Variants in GSTO1 observed in about 807,000 individuals in gnomAD.
GSTO1 encodes glutathione S-transferase omega-1.
Under a neutral mutation model 23.8 loss-of-function variants are expected in GSTO1, and 27 were observed. That is an observed-to-expected ratio of 1.13 (90% confidence interval 0.83 to 1.56). The LOEUF (loss-of-function observed/expected upper bound fraction) is 1.56, where lower values mean the gene tolerates loss of function less well. Among genes scored for constraint, GSTO1 ranks in the 40% most tolerant of loss-of-function variants. The probability of loss-of-function intolerance (pLI) is 0.00; values close to 1 mark genes in which losing one functional copy is unlikely to be tolerated. For missense variants in GSTO1, 255 were observed against 285.8 expected (o/e 0.89, Z 0.78); for synonymous variants, 105 against 109.3 (o/e 0.96, Z 0.25).
Position 104,266,095 on chromosome 10 carries a change from TAAG to T in GSTO1, c.482_484del (p.Lys161del). Reference sequence around the variant, plus strand: ...TGTTTAATGTTCAGGTTCTGACTAATAAGAAGACGACCTTCTTTGGTGGCAATT... The same window carrying T: ...TGTTTAATGTTCAGGTTCTGACTAATAAGACGACCTTCTTTGGTGGCAATT... On this transcript the variant is annotated inframe_deletion, in exon 5 of 6. Coordinates refer to ENST00000369713, the MANE Select transcript of GSTO1 (RefSeq NM_004832.3). 6.3e-7 allele frequency: 1 copy of T among 1,579,104 alleles called. No individual in the cohort carries two copies. The highest frequency in any genetic ancestry group is 8.7e-7 in the Non-Finnish European group (1 of 1,148,234).
intron 3 of GSTO1, among the ~76,000 whole-genome samples, chr10:104,260,621 T>C (rs977437426): frequency 4.6e-5 from 7 of 152,202 alleles, no homozygotes; most frequent in Admixed American, 2.6e-4. Flanking sequence ...ACAATTAGTA[T>C]TAACAAAGAA....
chr10:104,257,266 G>A (rs1480426288), intron 2 of GSTO1, among the ~76,000 whole-genome samples: 1 of 150,694 alleles, frequency 6.6e-6, no homozygotes, highest in East Asian at 1.9e-4. Context: ...GGTTTACTTT[G>A]TATGATTTAC....
intron 2 of GSTO1, among the ~76,000 whole-genome samples, chr10:104,257,529 T>C (rs919791335): frequency 2.0e-5 from 3 of 151,988 alleles, no homozygotes; most frequent in Admixed American, 6.6e-5. Flanking sequence ...TTTGTAGAGA[T>C]AGGGTTTCAT....
chr10:104,255,307 C>T (rs775209148), intron 2 of GSTO1, 36 bp downstream of exon 2: 19 of 1,413,602 alleles, frequency 1.3e-5, no homozygotes, highest in Non-Finnish European at 1.9e-5. Flanking sequence ...CCCGAGCCGT[C>T]CGGGAGCCTG....
chr10:104,259,334 A>G (rs1194680107), intron 2 of GSTO1, among the ~76,000 whole-genome samples: 2 of 152,236 alleles, frequency 1.3e-5, no homozygotes, highest in African/African-American at 4.8e-5. Context: ...ATGGATGGAC[A>G]TTGCGGACAT....
intron 3 of GSTO1, among the ~76,000 whole-genome samples, chr10:104,262,221 G>A (rs2011144071): frequency 6.6e-6 from 1 of 152,182 alleles, no homozygotes; most frequent in African/African-American, 2.4e-5. Flanking sequence ...CAGTGCCAGT[G>A]GTGTTAGCAG....
rs1191210267 is a variant in GSTO1 at position 104,267,435 on chromosome 10, T to C, written c.*30T>C. 10 of 1,526,840 alleles carry C rather than the reference T, an allele frequency of 6.5e-6. 1 individual carries two copies. In the South Asian group the frequency reaches 1.2e-4, roughly 19 times the overall value. The allele number at this position is 1,526,840 out of a possible 1,614,324, so 94.6% of individuals were successfully genotyped here. ...GGCAGGAGTCAGCAATAAAGCTATG[T>C]CTGATATTTTCCTTCACTAATATGA... On this transcript the variant is annotated 3_prime_UTR_variant, in exon 6 of 6. Coordinates refer to ENST00000369713, the MANE Select transcript of GSTO1 (RefSeq NM_004832.3).
Position 104,260,693 on chromosome 10 carries a change from T to C in GSTO1, c.366+895T>C, listed in dbSNP as rs7923810. ...CATGTCTGGTTATATGCCTATAACA[T>C]TGTCACCTTGGTAGTACGGTCAGTA... On this transcript the variant is annotated intron_variant, in intron 3 of 5. Coordinates refer to ENST00000369713, the MANE Select transcript of GSTO1 (RefSeq NM_004832.3). Among the ~76,000 whole-genome samples the C allele has an allele frequency of 6.1e-3, 936 of 152,330 alleles. 11 individuals carry two copies. The highest frequency in any genetic ancestry group is 0.022 in the African/African-American group (917 of 41,562).
rs2011179182 is a variant in GSTO1, at chr10:104,266,105, A to T, written c.487A>T (p.Thr163Ser). 7.5e-6 allele frequency: 12 copies of T among 1,599,452 alleles called. No homozygotes were observed. Among genetic ancestry groups the T allele is most frequent in the Non-Finnish European group, 1.0e-5 (12 of 1,166,690 alleles). ...LEEVLTNKKT[T>S]FFGGNSISMI... ...TCAGGTTCTGACTAATAAGAAGACGACCTTCTTTGGTGGCAATTCTATCTC... is the reference window on the plus strand; with the variant it reads ...TCAGGTTCTGACTAATAAGAAGACGTCCTTCTTTGGTGGCAATTCTATCTC... The change falls in exon 5 of 6, where the codon ACC becomes TCC. Residue 163 changes from threonine to serine, a missense_variant. Thr to Ser is a moderately conservative substitution (Grantham distance 58, BLOSUM62 1). Coordinates refer to ENST00000369713, the MANE Select transcript of GSTO1 (RefSeq NM_004832.3).
At chr10:104,264,794 C>A (rs2011165833) in intron 4 of GSTO1, among the ~76,000 whole-genome samples, 1 of 152,154 alleles carries the variant, frequency 6.6e-6, no homozygotes, top group Non-Finnish European at 1.5e-5. Context: ...CATTAGCCTG[C>A]AATTAGGCAA....
intron 2 of GSTO1, among the ~76,000 whole-genome samples, chr10:104,256,095 G>A (rs2091601806): frequency 6.6e-6 from 1 of 152,124 alleles, no homozygotes; most frequent in South Asian, 2.1e-4. Context: ...GTCTTCTAAG[G>A]GGATAATCTT....
intron 1 of GSTO1, 61 bp from the exon 2 acceptor site, chr10:104,255,078 AGCTGCAGTGGGACGCGGGGGCGGT>A (rs1255427023): frequency 1.5e-5 from 22 of 1,430,508 alleles, no homozygotes; most frequent in Non-Finnish European, 2.1e-5. Context: ...AACGGGTCGG[AGCTGCAGTGGGACGCGGGGGCGGT>A]GGGATACGGG....
At chr10:104,259,264 A>T (rs2011116410) in intron 2 of GSTO1, among the ~76,000 whole-genome samples, 1 of 152,248 alleles carries the variant, frequency 6.6e-6, no homozygotes, top group Middle Eastern at 3.2e-3. Flanking sequence ...GAATGGATAA[A>T]GAAAATGTGT....
intron 2 of GSTO1, among the ~76,000 whole-genome samples, chr10:104,256,849 C>A (rs935369868): frequency 2.9e-4 from 43 of 150,692 alleles, no homozygotes; most frequent in African/African-American, 1.1e-3. Flanking sequence ...TTTTATAGTT[C>A]AAAAATGTTG....
chr10:104,258,173 T>C (rs117928693), intron 2 of GSTO1, among the ~76,000 whole-genome samples: 1,881 of 152,270 alleles, frequency 0.012, 19 homozygotes, highest in South Asian at 0.027. Context: ...TGGGGATGTG[T>C]GTTTGACCTG....
In GSTO1 at chr10:104,267,294, C is replaced by T; in HGVS notation, c.615C>T (p.Ala205=). ...CAAAACTGAAACTGTGGATGGCAGC[C>T]ATGAAGGAAGATCCCACAGTCTCAG... ...HTPKLKLWMA[A]MKEDPTVSAL... is the part of the protein sequence containing the mutation. Residue 205 remains alanine (A), a synonymous_variant, in exon 6 of 6, where the codon GCC becomes GCT. Transcript: ENST00000369713. 6.2e-7 allele frequency: 1 copy of T among 1,613,332 alleles called. No individual in the cohort carries two copies. Among genetic ancestry groups the T allele is most frequent in the Non-Finnish European group, 8.5e-7 (1 of 1,179,442 alleles).
intron 2 of GSTO1, among the ~76,000 whole-genome samples, chr10:104,257,362 A>G (rs2011105162): frequency 1.4e-5 from 2 of 141,012 alleles, no homozygotes; most frequent in Admixed American, 1.4e-4. Context: ...TTTTTTCGAG[A>G]CAGGGTCTCG....
intron 2 of GSTO1, among the ~76,000 whole-genome samples, chr10:104,255,630 GATTTCCCGTTCT>G (rs773967991): frequency 6.6e-6 from 1 of 152,170 alleles, no homozygotes; most frequent in Non-Finnish European, 1.5e-5. Flanking sequence ...GCCCTATTGT[GATTTCCCGTTCT>G]TATTCCAGCT....
Position 104,259,626 on chromosome 10 carries a change from A to G in GSTO1, c.194A>G (p.Lys65Arg), listed in dbSNP as rs2011122393. 2 of 1,613,614 alleles carry G rather than the reference A, an allele frequency of 1.2e-6. No individual in the cohort carries two copies. The highest frequency in any genetic ancestry group is 8.5e-7 in the Non-Finnish European group (1 of 1,179,646). ...AAAAATAAGCCTGAGTGGTTCTTTAAGAAAAATCCCTTTGGTCTGGTGCCA... is the reference window on the plus strand; with the variant it reads ...AAAAATAAGCCTGAGTGGTTCTTTAGGAAAAATCCCTTTGGTCTGGTGCCA... The part of the protein sequence containing the change: ...NLKNKPEWFF[K>R]KNPFGLVPVL... The change falls in exon 3 of 6, where the codon AAG becomes AGG. Residue 65 changes from lysine to arginine, a missense_variant. Physicochemically the swap from Lys to Arg is conservative, Grantham distance 26. Coordinates refer to ENST00000369713, the MANE Select transcript of GSTO1 (RefSeq NM_004832.3).
Sources: allele counts gnomAD v4.1 joint callset (sites outside exome capture counted in the v4.1 genomes callset), GRCh38; gene constraint gnomAD v4.1.1; transcripts MANE v1.5; gene names NCBI Gene and HGNC (gene_info 2026-07-23, HGNC 2026-07-21).